MSR1: variants seen among roughly 807,000 people sequenced by gnomAD.
MSR1 encodes macrophage scavenger receptor types I and II.
In MSR1, 53 loss-of-function variants were observed where a neutral mutation model predicts 47.2. The ratio of observed to expected loss-of-function variants is 1.12; its 90% CI spans 0.90 to 1.41. The LOEUF is 1.41. Among genes scored for constraint, MSR1 ranks in the 40% most tolerant of loss-of-function variants. The probability of loss-of-function intolerance (pLI) is 0.00; values close to 1 mark genes in which losing one functional copy is unlikely to be tolerated. For synonymous variants in MSR1, 239 were observed against 185.6 expected (o/e 1.29, Z -2.34); for missense variants, 786 against 546.9 (o/e 1.44, Z -4.36).
chr8:16,130,881 A>G (rs950991134), intron 8 of MSR1, among the ~76,000 whole-genome samples: 4 of 152,012 alleles, frequency 2.6e-5, no homozygotes, highest in Non-Finnish European at 4.4e-5. Flanking sequence ...CAGTCTACCA[A>G]TGATGGGCAT....
At chr8:16,133,333 T>C (rs1016877190) in intron 8 of MSR1, among the ~76,000 whole-genome samples, 2 of 152,082 alleles carry the variant, frequency 1.3e-5, no homozygotes, top group Non-Finnish European at 1.5e-5. Context: ...TTTAAAAATA[T>C]TTTGAGAGTG....
chr8:16,146,646 C>T (rs1456165202), intron 7 of MSR1, among the ~76,000 whole-genome samples: 2 of 152,034 alleles, frequency 1.3e-5, no homozygotes, highest in Non-Finnish European at 2.9e-5. Context: ...TTTTTTCATG[C>T]TCTGTTCTCT....
intron 1 of MSR1, among the ~76,000 whole-genome samples, chr8:16,190,484 T>C (rs1802166470): frequency 6.6e-6 from 1 of 152,110 alleles, no homozygotes; most frequent in Admixed American, 6.5e-5. Flanking sequence ...TTATTTTTTA[T>C]TATTAATGTA....
At chr8:16,133,752 T>C (rs1800319354) in intron 8 of MSR1, among the ~76,000 whole-genome samples, 1 of 152,192 alleles carries the variant, frequency 6.6e-6, no homozygotes, top group Non-Finnish European at 1.5e-5. Flanking sequence ...TCTTCTCCTA[T>C]AATTCTTCAA....
intron 2 of MSR1, 133 bp from the exon 3 acceptor site, chr8:16,175,433 T>C: frequency 2.5e-6 from 2 of 798,104 alleles, no homozygotes; most frequent in Non-Finnish European, 4.0e-6. Context: ...ATGTTCCACA[T>C]CTTTGCAGTA....
chr8:16,112,870 C>CAT (rs1006306945), intron 9 of MSR1, among the ~76,000 whole-genome samples: 12 of 150,994 alleles, frequency 7.9e-5, no homozygotes, highest in South Asian at 2.1e-4. Flanking sequence ...TATACCTAGC[C>CAT]ATATATATAT....
intron 1 of MSR1, among the ~76,000 whole-genome samples, chr8:16,183,715 A>T (rs1801909178): frequency 7.0e-6 from 1 of 142,848 alleles, no homozygotes; most frequent in African/African-American, 2.5e-5. Context: ...GTAATACCAT[A>T]TATATTTGGC....
chr8:16,173,952 T>A (rs1801565042), intron 3 of MSR1, among the ~76,000 whole-genome samples: 1 of 151,992 alleles, frequency 6.6e-6, no homozygotes, highest in Non-Finnish European at 1.5e-5. Context: ...CCCAGCTGAC[T>A]TTTTTGTTTT....
rs1460749277 is a variant in MSR1, at chr8:16,141,182, G to C, written c.1033+2376C>G. The C allele has an allele frequency of 4.4e-5, 40 of 916,890 alleles. No individual in the cohort carries two copies. The East Asian group carries it at 1.0e-3, about 23-fold the overall frequency. The allele number at this position is 916,890 out of a possible 1,614,324, so 56.8% of individuals were successfully genotyped here. ...CATTAACTACAGATGTGGGGAATCA[G>C]GCACTTTCATACAGAATAAATTGGT... is the stretch of plus-strand genomic sequence containing the variant. On this transcript the variant is annotated intron_variant, in intron 8 of 9. Coordinates refer to ENST00000262101, the MANE Select transcript of MSR1 (RefSeq NM_138715.3).
intron 6 of MSR1, among the ~76,000 whole-genome samples, chr8:16,154,337 C>T (rs1800940848): frequency 6.6e-6 from 1 of 151,976 alleles, no homozygotes; most frequent in Non-Finnish European, 1.5e-5. Flanking sequence ...CCAAGGCTAA[C>T]ATGACAATCA....
chr8:16,139,446 T>C (rs1184583285), intron 8 of MSR1: 1 of 974,330 alleles, frequency 1.0e-6, no homozygotes, highest in African/African-American at 1.8e-5. Flanking sequence ...ATAAAAATGC[T>C]GAGATACACA....
At chr8:16,186,907 G>C (rs1037096294) in intron 1 of MSR1, among the ~76,000 whole-genome samples, 13 of 151,958 alleles carry the variant, frequency 8.6e-5, no homozygotes, top group African/African-American at 3.1e-4. Flanking sequence ...GAGCTATTGA[G>C]CATGGCCTCA....
intron 2 of MSR1, among the ~76,000 whole-genome samples, chr8:16,177,526 T>C (rs112747059): frequency 2.6e-5 from 4 of 151,950 alleles, no homozygotes; most frequent in African/African-American, 9.7e-5. Context: ...AGCGAATACA[T>C]TTCTGTTTTA....
At position 16,120,534 on chromosome 8, in the gene MSR1, C is replaced by A; in HGVS notation, c.1106G>T (p.Gly369Val). 6.2e-7 allele frequency: 1 copy of A among 1,611,482 alleles called. No individual in the cohort carries two copies. The highest frequency in any genetic ancestry group is 8.5e-7 in the Non-Finnish European group (1 of 1,179,414). ...ATCGTCACAAATTGTACCCCACTGG[C>A]CGCTGTGGAGTATCTCCACCCTCCC... ...HEGRVEILHSGQWGTICDDRW... is the reference protein window; with the variant it reads ...HEGRVEILHSVQWGTICDDRW... Residue 369 changes from glycine (G) to valine (V), a missense_variant, in exon 9 of 10, where the codon GGC (glycine) becomes GTC (valine). Gly to Val is a moderately radical substitution (Grantham distance 109). Transcript: ENST00000262101.
At chr8:16,173,842 G>A (rs1024869463) in intron 3 of MSR1, among the ~76,000 whole-genome samples, 1 of 152,042 alleles carries the variant, frequency 6.6e-6, no homozygotes, top group Non-Finnish European at 1.5e-5. Flanking sequence ...GTAGAGACGG[G>A]TTTTCACCAT....
At chr8:16,140,630 C>T in intron 8 of MSR1, 1 of 1,141,382 alleles carries the variant, frequency 8.8e-7, no homozygotes, top group Non-Finnish European at 1.1e-6. Flanking sequence ...GAGAACACAG[C>T]AGTTCTCCTA....
chr8:16,159,948 G>C (rs1801117139), intron 5 of MSR1, among the ~76,000 whole-genome samples: 1 of 151,958 alleles, frequency 6.6e-6, no homozygotes, highest in African/African-American at 2.4e-5. Flanking sequence ...ACATGAGGCA[G>C]GATGCACAAA....
chr8:16,138,088 T>C (rs7844220), intron 8 of MSR1, among the ~76,000 whole-genome samples: 144,388 of 151,982 alleles, frequency 0.95, 69,032 homozygotes, highest in East Asian at 1. Flanking sequence ...TCATTTAAGA[T>C]TGAGCTGAGT....
At chr8:16,163,349 C>T (rs898986260) in intron 5 of MSR1, among the ~76,000 whole-genome samples, 5 of 150,878 alleles carry the variant, frequency 3.3e-5, no homozygotes, top group Non-Finnish European at 7.4e-5. Flanking sequence ...AGAGACTAAC[C>T]TAAAACAAAG....
Sources: gnomAD v4.1 joint callset for allele counts (sites outside exome capture counted in the v4.1 genomes callset) on GRCh38, gnomAD v4.1.1 for gene constraint, MANE v1.5 for transcripts, NCBI Gene and HGNC (gene_info 2026-07-23, HGNC 2026-07-21) for gene names.